The following UBE3B variants were observed in gnomAD, a reference collection of about 807,000 sequenced individuals.
UBE3B encodes the protein ubiquitin-protein ligase E3B.
In UBE3B, 80 loss-of-function variants were observed where a neutral mutation model predicts 132.3. The observed-to-expected ratio is 0.60, with a 90% CI of 0.50 to 0.73. UBE3B has a LOEUF of 0.73. UBE3B is among the 30% of genes least tolerant of loss of function. UBE3B has a pLI of 0.00. For missense variants in UBE3B, 1,196 were observed against 1,362.5 expected, an observed-to-expected ratio of 0.88 and a Z score of 1.92; for synonymous variants, 487 against 520.4, an observed-to-expected ratio of 0.94 and a Z score of 0.87.
chr12:109,533,757 G>A lies in UBE3B; in HGVS notation c.3015+199G>A, dbSNP rs542308784. ...CCCAGAGAGACTGCCCACGGACTCA[G>A]CCCTCTCTCGGCAGCCCCTTTCTCT... On this transcript the variant is annotated intron_variant, in intron 27 of 27. Coordinates refer to ENST00000342494, the MANE Select transcript of UBE3B (RefSeq NM_130466.4). 890 of 826,598 alleles carry A rather than the reference G, an allele frequency of 1.1e-3. 2 individuals are homozygous for A. Among genetic ancestry groups the A allele is most frequent in the South Asian group, 2.3e-3 (161 of 69,498 alleles). The allele number at this position is 826,598 out of a possible 1,614,324, so 51.2% of individuals were successfully genotyped here. A position where few individuals can be genotyped will look rare whatever the true frequency, so the allele number is the denominator to read the frequency against.
At chr12:109,538,670 A>G (rs1883539841), downstream of UBE3B, among the ~76,000 whole-genome samples, 1 of 152,224 alleles carries the variant, frequency 6.6e-6, no homozygotes, top group South Asian at 2.1e-4. This position sits in a 1 kb window ranked among gnomAD's most constrained non-coding sequence, Gnocchi z 4.1. Context: ...TTAAGCTTCC[A>G]GAGTGGCTCC....
At chr12:109,481,275 C>T (rs116446457) in intron 1 of UBE3B, among the ~76,000 whole-genome samples, 1,839 of 151,000 alleles carry the variant, frequency 0.012, 29 homozygotes, top group African/African-American at 0.037. Context: ...GAAATTATGC[C>T]GCTGCACTCC....
intron 24 of UBE3B, among the ~76,000 whole-genome samples, chr12:109,526,647 C>T (rs1351381188): frequency 6.6e-6 from 1 of 151,990 alleles, no homozygotes; most frequent in Non-Finnish European, 1.5e-5. Flanking sequence ...CCGAGGCGGG[C>T]GGATCACGAG....
chr12:109,493,758 T>A (rs1247981145), intron 9 of UBE3B, among the ~76,000 whole-genome samples: 3 of 152,248 alleles, frequency 2.0e-5, no homozygotes, highest in African/African-American at 7.2e-5. Context: ...CTAACATTCA[T>A]GGGCCACACA....
rs572449769 is a variant in UBE3B, at chr12:109,499,180, C to T, written c.941-453C>T. Among the ~76,000 whole-genome samples, 5 of 152,232 alleles carry T rather than the reference C, an allele frequency of 3.3e-5. No homozygotes were observed. The East Asian group carries it at 7.7e-4, about 23-fold the overall frequency. The stretch of plus-strand genomic sequence containing the variant: ...CGAGTGACGTTGACTAACTGGTGAA[C>T]GTTGAATAACAGCGACTTCCCACGA... On this transcript the variant is annotated intron_variant, in intron 11 of 27. Coordinates refer to ENST00000342494, the MANE Select transcript of UBE3B (RefSeq NM_130466.4).
chr12:109,525,013 A>G (rs550782008), intron 23 of UBE3B, among the ~76,000 whole-genome samples: 4 of 151,984 alleles, frequency 2.6e-5, no homozygotes, highest in Non-Finnish European at 5.9e-5. Flanking sequence ...GTCCTGGTGG[A>G]GGTCCCTGCA....
Position 109,498,209 on chromosome 12 carries a change from TTAACGG to T in UBE3B, c.820-22_820-17del. On this transcript the variant is annotated intron_variant, in intron 10 of 27. Transcript: ENST00000342494. ...GAAACTGTTTCTGGCAGTTTCTGATTTAACGGTCTGCTATTCTTTGCAGCGCCTCAC... is the reference window on the plus strand; with the variant it reads ...GAAACTGTTTCTGGCAGTTTCTGATTTCTGCTATTCTTTGCAGCGCCTCAC... 1.2e-6 allele frequency: 2 copies of T among 1,612,928 alleles called. No homozygotes were observed. The highest frequency in any genetic ancestry group is 1.7e-6 in the Non-Finnish European group (2 of 1,179,334).
intron 9 of UBE3B, among the ~76,000 whole-genome samples, chr12:109,495,851 TC>T (rs981344907): frequency 5.9e-5 from 9 of 152,356 alleles, no homozygotes; most frequent in African/African-American, 1.9e-4. Context: ...GGCCAGGTGT[TC>T]CTTGCCCTCA....
chr12:109,530,093 A>C (rs780574195), intron 25 of UBE3B, 21 bp downstream of exon 25: 5 of 1,575,172 alleles, frequency 3.2e-6, no homozygotes, highest in Non-Finnish European at 4.4e-6. Context: ...GGTGGGGGGA[A>C]GGGTGAAATT....
intron 26 of UBE3B, 125 bp downstream of exon 26, chr12:109,530,783 T>A: frequency 1.1e-6 from 1 of 938,934 alleles, no homozygotes; most frequent in Admixed American, 2.2e-5. Context: ...CAGCACATCC[T>A]CTCCCACAGG....
intron 5 of UBE3B, 95 bp from the exon 6 acceptor site, chr12:109,486,376 C>A: frequency 9.9e-7 from 1 of 1,008,172 alleles, no homozygotes; most frequent in Non-Finnish European, 1.5e-6. Flanking sequence ...TTATCTGGCA[C>A]TGGACCTAAC....
rs535806594 is a variant in UBE3B at position 109,478,908 on chromosome 12, G to A, written c.-128+799G>A. ...GGTGGTCATTAAACCTGGTGGCCCAGCTTTTCCTACTGCACAGGGACAATC... is the reference window on the plus strand; with the variant it reads ...GGTGGTCATTAAACCTGGTGGCCCAACTTTTCCTACTGCACAGGGACAATC... On this transcript the variant is annotated intron_variant, in intron 1 of 27. Transcript: ENST00000342494. Among the ~76,000 whole-genome samples the A allele has an allele frequency of 1.5e-3, 232 of 152,338 alleles. 1 individual carries two copies. Among genetic ancestry groups the A allele is most frequent in the Admixed American group, 2.5e-3 (38 of 15,306 alleles).
intron 14 of UBE3B, among the ~76,000 whole-genome samples, chr12:109,503,690 A>T (rs528713420): frequency 6.6e-6 from 1 of 152,370 alleles, no homozygotes; most frequent in African/African-American, 2.4e-5. Flanking sequence ...CATCACATGG[A>T]TATGCCCAAC....
intron 19 of UBE3B, chr12:109,518,084 G>A: frequency 3.4e-6 from 1 of 291,764 alleles, no homozygotes; most frequent in South Asian, 3.0e-5. Context: ...GGCTGAGTGG[G>A]TCTCATTACA....
Position 109,522,265 on chromosome 12 carries a change from C to G in UBE3B, c.2364+714C>G, listed in dbSNP as rs1425063943. Reference sequence around the variant, plus strand: ...CTCACCTTACTAAGAGGAAGTGAGTCTGGGTTTCCACTCTGTGGCCTGATG... The same window carrying G: ...CTCACCTTACTAAGAGGAAGTGAGTGTGGGTTTCCACTCTGTGGCCTGATG... On this transcript the variant is annotated intron_variant, in intron 21 of 27. Coordinates refer to ENST00000342494, the MANE Select transcript of UBE3B (RefSeq NM_130466.4). The surrounding 1 kb of genome is among the most constrained non-coding windows in gnomAD (Gnocchi z 4.2). 6.6e-6 allele frequency among the ~76,000 whole-genome samples: 1 copy of G among 152,182 alleles called. No homozygotes were observed. Among genetic ancestry groups the G allele is most frequent in the Non-Finnish European group, 1.5e-5 (1 of 68,036 alleles).
intron 18 of UBE3B, among the ~76,000 whole-genome samples, chr12:109,512,090 G>A (rs1382626912): frequency 1.3e-5 from 2 of 152,180 alleles, no homozygotes; most frequent in African/African-American, 4.8e-5. Flanking sequence ...GGTAGGATGT[G>A]AGATGTCTCT....
Position 109,521,381 on chromosome 12 carries a change from C to G in UBE3B, c.2253+57C>G. 6.2e-7 allele frequency: 1 copy of G among 1,601,872 alleles called. No homozygotes were observed. Among genetic ancestry groups the G allele is most frequent in the South Asian group, 1.1e-5 (1 of 90,402 alleles). On this transcript the variant is annotated intron_variant, in intron 20 of 27. Transcript: ENST00000342494. The surrounding 1 kb of genome is among the most constrained non-coding windows in gnomAD (Gnocchi z 4.2). ...GCAGCCAGATTCAAGAAGTGAAGAG[C>G]TGGGCTTGCTCCTTGCAAGGCACTT... is the stretch of plus-strand genomic sequence containing the variant.
At chr12:109,486,342 A>G in intron 5 of UBE3B, 129 bp from the exon 6 acceptor site, 1 of 794,128 alleles carries the variant, frequency 1.3e-6, no homozygotes, top group Non-Finnish European at 2.0e-6. Context: ...TTTACAGCTT[A>G]TTTGTCCATT....
intron 23 of UBE3B, 105 bp downstream of exon 23, chr12:109,524,608 G>A (rs1882104670): frequency 7.7e-7 from 1 of 1,294,516 alleles, no homozygotes; most frequent in Non-Finnish European, 1.1e-6. Flanking sequence ...CTGAGGCTCT[G>A]TCTGGTCCCT....
Sources: allele counts gnomAD v4.1 joint callset (sites outside exome capture counted in the v4.1 genomes callset), GRCh38; gene constraint gnomAD v4.1.1; non-coding constraint Gnocchi (gnomAD v3.1); transcripts MANE v1.5; gene names NCBI Gene and HGNC (gene_info 2026-07-23, HGNC 2026-07-21).